Variants in NDUFS3 observed in about 807,000 individuals in gnomAD.
NDUFS3 encodes NADH:ubiquinone oxidoreductase core subunit S3, also known as NADH dehydrogenase [ubiquinone] iron-sulfur protein 3, mitochondrial.
Under a neutral mutation model 30.8 loss-of-function variants are expected in NDUFS3, and 19 were observed. That is an observed-to-expected ratio of 0.62 (90% CI 0.43 to 0.91). The LOEUF (loss-of-function observed/expected upper bound fraction) is 0.91, where lower values mean the gene tolerates loss of function less well. Ranked by LOEUF, NDUFS3 falls within the 40% of genes least tolerant of loss-of-function variation. NDUFS3 has a pLI of 0.00. For synonymous variants in NDUFS3, 153 were observed against 135.8 expected (o/e 1.13, Z -0.88); for missense variants, 331 against 342.0 (o/e 0.97, Z 0.25).
chr11:47,584,285 G>C, intron 6 of NDUFS3, 29 bp from the exon 7 acceptor site: 1 of 1,613,800 alleles, frequency 6.2e-7, no homozygotes. Context: ...GACTTCCTTA[G>C]TGCTCAAGCC....
rs374740082 is a variant in NDUFS3 at position 47,584,212 on chromosome 11, G to T, written c.628-102G>T. ...TGGGACAGGAGTCAGTAACCGAGAG[G>T]AATGGGCTGGGGAAGTCACCAATAG... is the stretch of plus-strand genomic sequence containing the variant. On this transcript the variant is annotated intron_variant, in intron 6 of 6. Coordinates refer to ENST00000263774, the MANE Select transcript of NDUFS3 (RefSeq NM_004551.3). 3.2e-5 allele frequency: 48 copies of T among 1,488,052 alleles called. No homozygotes were observed. In the African/African-American group the frequency reaches 5.7e-4, roughly 18 times the overall value. The allele number at this position is 1,488,052 out of a possible 1,614,324, so 92.2% of individuals were successfully genotyped here.
At chr11:47,579,905 T>C (rs985464216) in intron 2 of NDUFS3, among the ~76,000 whole-genome samples, 1 of 152,154 alleles carries the variant, frequency 6.6e-6, no homozygotes, top group Non-Finnish European at 1.5e-5. Context: ...AATGAGTATG[T>C]ACATATTATG....
Position 47,584,299 on chromosome 11 carries a change from C to G in NDUFS3, c.628-15C>G. 1 of 1,613,994 alleles carries G rather than the reference C, an allele frequency of 6.2e-7. No individual in the cohort carries two copies. The highest frequency in any genetic ancestry group is 8.5e-7 in the Non-Finnish European group (1 of 1,180,014). ...GGACTTCCTTAGTGCTCAAGCCTGC[C>G]TTTTGCTCCTGCAGTTACGTTATGA... On this transcript the variant is annotated splice_polypyrimidine_tract_variant and intron_variant, in intron 6 of 6. Coordinates refer to ENST00000263774, the MANE Select transcript of NDUFS3 (RefSeq NM_004551.3).
At chr11:47,579,489 C>T (rs979512677) in intron 2 of NDUFS3, 155 bp downstream of exon 2, 10 of 895,054 alleles carry the variant, frequency 1.1e-5, no homozygotes, top group Non-Finnish European at 1.2e-5. Context: ...TCGAGCCCTC[C>T]CTGTGCCCTT....
At chr11:47,580,024 CA>C (rs2097267463) in intron 2 of NDUFS3, among the ~76,000 whole-genome samples, 1 of 134,984 alleles carries the variant, frequency 7.4e-6, no homozygotes, top group Non-Finnish European at 1.6e-5. Context: ...CACACACACA[CA>C]CACACCTGGG....
At chr11:47,580,775 G>A (rs372214421) in intron 3 of NDUFS3, 60 bp from the exon 4 acceptor site, 11 of 1,611,558 alleles carry the variant, frequency 6.8e-6, no homozygotes, top group East Asian at 6.7e-5. Flanking sequence ...GACTCCAGCT[G>A]AAGTTAGCTG....
intron 2 of NDUFS3, among the ~76,000 whole-genome samples, chr11:47,579,996 C>G: frequency 1.3e-5 from 1 of 79,174 alleles, no homozygotes; most frequent in African/African-American, 6.0e-5. Context: ...CACACACACA[C>G]ACACACACAC....
rs2097270256 is a variant in NDUFS3 at position 47,584,537 on chromosome 11, T to C, written c.*56T>C. ...CGCCTTATCTATGATTGAGTGTCCGTGTAAATAAATTCCTACTTAGACTTA... is the reference window on the plus strand; with the variant it reads ...CGCCTTATCTATGATTGAGTGTCCGCGTAAATAAATTCCTACTTAGACTTA... On this transcript the variant is annotated 3_prime_UTR_variant, in exon 7 of 7. Coordinates refer to ENST00000263774, the MANE Select transcript of NDUFS3 (RefSeq NM_004551.3). 6 of 1,596,650 alleles carry C rather than the reference T, an allele frequency of 3.8e-6. 1 individual carries two copies. In the Middle Eastern group the frequency reaches 5.0e-4, roughly 132 times the overall value.
intron 1 of NDUFS3, 25 bp downstream of exon 1, chr11:47,579,183 C>T (rs1427897963): frequency 6.2e-7 from 1 of 1,613,102 alleles, no homozygotes; most frequent in African/African-American, 1.3e-5. Context: ...CCAGCTGAGA[C>T]CGGGGTCAGG....
At chr11:47,583,264 TG>T (rs1398220041) in intron 6 of NDUFS3, among the ~76,000 whole-genome samples, 1 of 152,098 alleles carries the variant, frequency 6.6e-6, no homozygotes, top group Non-Finnish European at 1.5e-5. Flanking sequence ...TTGCCCAAAC[TG>T]GTCTCGAATT....
intron 2 of NDUFS3, among the ~76,000 whole-genome samples, chr11:47,580,032 T>C (rs2097267510): frequency 8.1e-6 from 1 of 123,666 alleles, no homozygotes; most frequent in African/African-American, 3.1e-5. Context: ...CACACACACC[T>C]GGGCCTCAGT....
At position 47,582,171 on chromosome 11, in the gene NDUFS3, T is replaced by C. The variant is rs759164951; in HGVS notation, c.465T>C (p.Ser155=). The C allele has an allele frequency of 6.2e-7, 1 of 1,614,202 alleles. No homozygotes were observed. The highest frequency in any genetic ancestry group is 1.1e-5 in the South Asian group (1 of 91,080). Reference sequence around the variant, plus strand: ...CAGATGAGCTGACGCCCATTGAGTCTGCTGTCTCTGTGTTCAAGGCAGCCA... The same window carrying C: ...CAGATGAGCTGACGCCCATTGAGTCCGCTGTCTCTGTGTTCAAGGCAGCCA... ...TYTDELTPIE[S]AVSVFKAANW... Residue 155 remains serine (S), a synonymous_variant, in exon 5 of 7, where the codon TCT becomes TCC. Coordinates refer to ENST00000263774, the MANE Select transcript of NDUFS3 (RefSeq NM_004551.3).
In NDUFS3 at chr11:47,584,509, C is replaced by T. The variant is rs751575309; in HGVS notation, c.*28C>T. The T allele has an allele frequency of 9.2e-5, 149 of 1,612,334 alleles. No individual in the cohort carries two copies. Among genetic ancestry groups the T allele is most frequent in the Non-Finnish European group, 1.3e-4 (149 of 1,178,850 alleles). On this transcript the variant is annotated 3_prime_UTR_variant, in exon 7 of 7. Transcript: ENST00000263774. ...CCAGGGAACGCATGTGGATCCTAGACAGCGCCTTATCTATGATTGAGTGTC... is the reference window on the plus strand; with the variant it reads ...CCAGGGAACGCATGTGGATCCTAGATAGCGCCTTATCTATGATTGAGTGTC...
At chr11:47,579,718 T>C (rs2097267034) in intron 2 of NDUFS3, 1 of 371,158 alleles carries the variant, frequency 2.7e-6, no homozygotes. Context: ...CCTTATGGGG[T>C]AGATAGCATC....
chr11:47,581,931 G>A, intron 4 of NDUFS3, 157 bp from the exon 5 acceptor site: 2 of 970,478 alleles, frequency 2.1e-6, no homozygotes, highest in Non-Finnish European at 1.6e-6. Flanking sequence ...ATGCTGACAT[G>A]CTAAGCTACA....
Position 47,579,261 on chromosome 11 carries a change from C to G in NDUFS3, c.68-8C>G. 2 of 1,614,208 alleles carry G rather than the reference C, an allele frequency of 1.2e-6. No individual in the cohort carries two copies. Among genetic ancestry groups the G allele is most frequent in the Non-Finnish European group, 8.5e-7 (1 of 1,180,044 alleles). ...CCGCGCGTCTGTGCCTTTTATCTCC[C>G]TGTGCAGGGACTGGGCGACCCTCCG... On this transcript the variant is annotated splice_region_variant and splice_polypyrimidine_tract_variant and intron_variant, in intron 1 of 6. Coordinates refer to ENST00000263774, the MANE Select transcript of NDUFS3 (RefSeq NM_004551.3).
At chr11:47,583,819 TC>T (rs1484482577) in intron 6 of NDUFS3, among the ~76,000 whole-genome samples, 2 of 152,200 alleles carry the variant, frequency 1.3e-5, no homozygotes, top group Non-Finnish European at 2.9e-5. Context: ...CACCTGATGA[TC>T]CTTACCTTAT....
chr11:47,579,799 T>A (rs1419712864), intron 2 of NDUFS3: 1 of 238,852 alleles, frequency 4.2e-6, no homozygotes, highest in Admixed American at 5.1e-5. Context: ...ACCTAGTGAA[T>A]GACAAAGTAG....
At chr11:47,581,239 C>T (rs1187569118) in intron 4 of NDUFS3, 17 of 457,230 alleles carry the variant, frequency 3.7e-5, no homozygotes, top group Non-Finnish European at 6.0e-5. Context: ...CTGCAACCTC[C>T]GTCTCCCAGG....
Sources: allele counts gnomAD v4.1 joint callset (sites outside exome capture counted in the v4.1 genomes callset), GRCh38; gene constraint gnomAD v4.1.1; transcripts MANE v1.5; gene names NCBI Gene and HGNC (gene_info 2026-07-23, HGNC 2026-07-21).